The following BRD1 variants were observed in gnomAD, a reference collection of about 807,000 sequenced individuals.
The protein encoded by BRD1 is bromodomain-containing protein 1.
In BRD1, 24 loss-of-function variants were observed where a neutral mutation model predicts 107.7. That is an observed-to-expected ratio of 0.22 (90% CI 0.16 to 0.31). BRD1 has a LOEUF of 0.31. Among genes scored for constraint, BRD1 ranks in the 10% least tolerant of loss-of-function variants. BRD1 has a pLI of 1.00. For missense variants in BRD1, 1,279 were observed against 1,638.6 expected, an observed-to-expected ratio of 0.78 and a Z score of 3.79; for synonymous variants, 744 against 686.1, an observed-to-expected ratio of 1.08 and a Z score of -1.32.
At chr22:49,804,143 CTCT>C (rs1239954884) in intron 3 of BRD1, 58 bp downstream of exon 3, 1 of 1,454,322 alleles carries the variant, frequency 6.9e-7, no homozygotes, top group African/African-American at 1.4e-5. Context: ...ACCAGGTGCC[CTCT>C]CCCTGGAGGG....
intron 2 of BRD1, among the ~76,000 whole-genome samples, chr22:49,810,805 A>C (rs77615979): frequency 0.029 from 4,485 of 152,312 alleles, 242 homozygotes; most frequent in African/African-American, 0.1. Flanking sequence ...GCGCCTGAGA[A>C]TATACAGGGG....
intron 1 of BRD1, among the ~76,000 whole-genome samples, chr22:49,827,044 C>G (rs945192371): frequency 1.3e-5 from 2 of 152,058 alleles, no homozygotes; most frequent in Non-Finnish European, 2.9e-5. Flanking sequence ...CGGGGCGCGT[C>G]CCTGCTCACA....
intron 8 of BRD1, among the ~76,000 whole-genome samples, chr22:49,781,597 A>G (rs2059209708): frequency 2.0e-5 from 3 of 152,104 alleles, no homozygotes; most frequent in African/African-American, 7.2e-5. Context: ...CACGGGATAC[A>G]AGCCCGCCCC....
rs138861786 is a variant in BRD1, at chr22:49,800,017, C to T, written c.1525-898G>A. 9.6e-3 allele frequency among the ~76,000 whole-genome samples: 1,458 copies of T among 152,320 alleles called. 14 individuals are homozygous for T. The highest frequency in any genetic ancestry group is 0.064 in the South Asian group (310 of 4,828). On this transcript the variant is annotated intron_variant, in intron 3 of 12. Transcript: ENST00000404760. ...ATCCTCCACAGCTGCAGGACACGCG[C>T]GCCCTGCCAGCCTCAGGACAGCCGT...
intron 2 of BRD1, among the ~76,000 whole-genome samples, chr22:49,822,058 C>T (rs1205425615): frequency 6.6e-6 from 1 of 152,246 alleles, no homozygotes; most frequent in Non-Finnish European, 1.5e-5. Flanking sequence ...CAGAGCCCCT[C>T]GGGTTGAAAG....
At chr22:49,812,362 T>C (rs183433377) in intron 2 of BRD1, among the ~76,000 whole-genome samples, 3 of 152,344 alleles carry the variant, frequency 2.0e-5, no homozygotes, top group African/African-American at 7.2e-5. Context: ...GAAATAAATC[T>C]AATAGACTTT....
chr22:49,777,066 C>A lies in BRD1; in HGVS notation c.3089G>T (p.Gly1030Val), dbSNP rs759903439. 2 of 1,613,292 alleles carry A rather than the reference C, an allele frequency of 1.2e-6. No individual in the cohort carries two copies. The highest frequency in any genetic ancestry group is 1.1e-5 in the South Asian group (1 of 91,092). Residue 1030 changes from glycine (G) to valine (V), a missense_variant, in exon 10 of 13, where the codon GGG becomes GTG. By Grantham distance (109) the Gly-to-Val change is moderately radical. Transcript: ENST00000404760. ...RSELISCIENGNYAKAARIAA... is the reference protein window; with the variant it reads ...RSELISCIENVNYAKAARIAA... ...GATCCTGGCCGCCTTGGCGTAGTTCCCATTCTCGATGCAGGAGATCAGCTC... is the reference window on the plus strand; with the variant it reads ...GATCCTGGCCGCCTTGGCGTAGTTCACATTCTCGATGCAGGAGATCAGCTC...
chr22:49,786,100 C>T (rs1042397872), intron 8 of BRD1, among the ~76,000 whole-genome samples: 1 of 151,056 alleles, frequency 6.6e-6, no homozygotes, highest in Non-Finnish European at 1.5e-5. Flanking sequence ...CTCAAGTGCA[C>T]GAGGCACCAC....
chr22:49,827,324 C>T (rs1331730969), intron 1 of BRD1, among the ~76,000 whole-genome samples, 173 bp downstream of exon 1: 2 of 150,618 alleles, frequency 1.3e-5, no homozygotes, highest in African/African-American at 2.4e-5. Flanking sequence ...CCCGGCCTCC[C>T]CGGCATCCCG....
Position 49,824,580 on chromosome 22 carries a change from C to T in BRD1, c.-14-249G>A. The T allele has an allele frequency of 7.5e-7, 1 of 1,327,436 alleles. No homozygotes were observed. Among genetic ancestry groups the T allele is most frequent in the Non-Finnish European group, 9.7e-7 (1 of 1,033,898 alleles). The allele number at this position is 1,327,436 out of a possible 1,614,324, so 82.2% of individuals were successfully genotyped here. A position where few individuals can be genotyped will look rare whatever the true frequency, so the allele number is the denominator to read the frequency against. On this transcript the variant is annotated intron_variant, in intron 1 of 12. Transcript: ENST00000404760. This position sits in a 1 kb window ranked among gnomAD's most constrained non-coding sequence, Gnocchi z 5.9. The stretch of plus-strand genomic sequence containing the variant: ...AGGAGCCCTCCTGAGCACCTGCGTC[C>T]CTACCACCACACACCAGTCCCCTCT...
Position 49,824,770 on chromosome 22 carries a change from C to T in BRD1, c.-14-439G>A. ...AGGCACAGAGGCTATGCCCACCAGACAGGCATGCTCAGTGGCTACCTGGTC... is the reference window on the plus strand; with the variant it reads ...AGGCACAGAGGCTATGCCCACCAGATAGGCATGCTCAGTGGCTACCTGGTC... On this transcript the variant is annotated intron_variant, in intron 1 of 12. Transcript: ENST00000404760. This position sits in a 1 kb window ranked among gnomAD's most constrained non-coding sequence, Gnocchi z 5.9. 1 of 1,024,402 alleles carries T rather than the reference C, an allele frequency of 9.8e-7. No homozygotes were observed. Among genetic ancestry groups the T allele is most frequent in the Non-Finnish European group, 1.2e-6 (1 of 851,932 alleles). 63.5% of individuals were successfully genotyped at this position (1,024,402 alleles called of 1,614,324 possible).
rs1283709160 is a variant in BRD1 at position 49,794,093 on chromosome 22, G to A, written c.2300C>T (p.Pro767Leu). Reference sequence around the variant, plus strand: ...GTCCTCTTCGAAGCCTTCCAAGCCTGGCCCCGTGGGCAGGGGCTGGCTGTG... The same window carrying A: ...GTCCTCTTCGAAGCCTTCCAAGCCTAGCCCCGTGGGCAGGGGCTGGCTGTG... Reference protein sequence around the residue: ...QQHSQPLPTGPGLEGFEEDGA... With the variant: ...QQHSQPLPTGLGLEGFEEDGA... The change falls in exon 7 of 13, where the codon CCA (proline) becomes CTA (leucine). Residue 767 changes from proline (P) to leucine (L), a missense_variant. Physicochemically the swap from Pro to Leu is moderately conservative, Grantham distance 98. Transcript: ENST00000404760. The A allele has an allele frequency of 1.2e-6, 2 of 1,614,102 alleles. No individual in the cohort carries two copies. Among genetic ancestry groups the A allele is most frequent in the Non-Finnish European group, 1.7e-6 (2 of 1,180,054 alleles).
In BRD1 at chr22:49,799,583, C is replaced by A. The variant is rs140319146; in HGVS notation, c.1525-464G>T. Among the ~76,000 whole-genome samples the A allele has an allele frequency of 1.1e-4, 16 of 152,352 alleles. No individual in the cohort carries two copies. In the South Asian group the frequency reaches 3.3e-3, roughly 32 times the overall value. On this transcript the variant is annotated intron_variant, in intron 3 of 12. Coordinates refer to ENST00000404760, the MANE Select transcript of BRD1 (RefSeq NM_001304808.3). ...CATGCTGGGCCCATCCTGGCTTGGACAGAGCATGACGGGGGCCTGGCACAC... is the reference window on the plus strand; with the variant it reads ...CATGCTGGGCCCATCCTGGCTTGGAAAGAGCATGACGGGGGCCTGGCACAC...
Position 49,824,246 on chromosome 22 carries a change from G to C in BRD1, c.72C>G (p.His24Gln). ...RHPSSPCSVK[H>Q]SPTRETLTYA... The stretch of plus-strand genomic sequence containing the variant: ...AGGTCAGCGTTTCTCGCGTAGGGGA[G>C]TGTTTAACACTGCATGGGGAAGAAG... The change falls in exon 2 of 13, where the codon CAC becomes CAG. Residue 24 changes from histidine to glutamine, a missense_variant. His to Gln is a conservative substitution (Grantham distance 24). Around this residue, in one of 7 missense-constraint regions of BRD1, gnomAD observed 223 missense variants for 263.5 expected, o/e 0.85. Coordinates refer to ENST00000404760, the MANE Select transcript of BRD1 (RefSeq NM_001304808.3). The surrounding 1 kb of genome is among the most constrained non-coding windows in gnomAD (Gnocchi z 5.9). 6.2e-7 allele frequency: 1 copy of C among 1,614,026 alleles called. No individual in the cohort carries two copies. Among genetic ancestry groups the C allele is most frequent in the Non-Finnish European group, 8.5e-7 (1 of 1,180,032 alleles).
At chr22:49,813,577 A>G (rs2059895282) in intron 2 of BRD1, among the ~76,000 whole-genome samples, 1 of 151,356 alleles carries the variant, frequency 6.6e-6, no homozygotes, top group Non-Finnish European at 1.5e-5. Flanking sequence ...TCATGCCTAT[A>G]ATCCCAGCAC....
chr22:49,793,840 C>T (rs749845703), intron 7 of BRD1, among the ~76,000 whole-genome samples, 194 bp downstream of exon 7: 2 of 152,252 alleles, frequency 1.3e-5, no homozygotes, highest in Admixed American at 6.5e-5. Flanking sequence ...CAAATGATAA[C>T]GTCTCCTTAA....
At chr22:49,811,167 A>C (rs1443043842) in intron 2 of BRD1, among the ~76,000 whole-genome samples, 1 of 151,790 alleles carries the variant, frequency 6.6e-6, no homozygotes, top group Non-Finnish European at 1.5e-5. Context: ...GAACAAAAAA[A>C]CACATTTCTA....
rs766130639 is a variant in BRD1 at position 49,804,345 on chromosome 22, C to G, written c.1383G>C (p.Ala461=). ...TCTTCCGCTGAATGGCCACCTGATT[C>G]GCAATCCTATTTAACCTAAAACACA... The part of the protein sequence containing the change: ...YIPPQRLNRI[A]NQVAIQRKKQ... The change falls in exon 3 of 13, where the codon GCG becomes GCC. Residue 461 remains alanine, a synonymous_variant. Coordinates refer to ENST00000404760, the MANE Select transcript of BRD1 (RefSeq NM_001304808.3). The G allele has an allele frequency of 2.5e-6, 4 of 1,606,974 alleles. No individual in the cohort carries two copies. Among genetic ancestry groups the G allele is most frequent in the South Asian group, 1.1e-5 (1 of 89,328 alleles).
chr22:49,775,833 ACCC>A lies in BRD1; in HGVS notation c.3232-91_3232-89del, dbSNP rs869037990. The A allele has an allele frequency of 3.0e-4, 165 of 552,418 alleles. 1 individual carries two copies. In the South Asian group the frequency reaches 5.0e-3, roughly 17 times the overall value. 34.2% of individuals were successfully genotyped at this position (552,418 alleles called of 1,614,324 possible). On this transcript the variant is annotated intron_variant, in intron 11 of 12. Transcript: ENST00000404760. The stretch of plus-strand genomic sequence containing the variant: ...CACTGGCACCCCCCCCCGCCTCCCC[ACCC>A]CAGCTGTGTGAGCCTCCTCAGACCA...
Sources: allele counts gnomAD v4.1 joint callset (sites outside exome capture counted in the v4.1 genomes callset), GRCh38; gene constraint gnomAD v4.1.1; regional missense constraint gnomAD v4.1.1; non-coding constraint Gnocchi (gnomAD v3.1); transcripts MANE v1.5; gene names NCBI Gene and HGNC (gene_info 2026-07-23, HGNC 2026-07-21).